MSRA: variants seen among roughly 807,000 people sequenced by gnomAD.
MSRA encodes the protein methionine sulfoxide reductase A.
In MSRA, 54 loss-of-function variants were observed where a neutral mutation model predicts 31.3. The observed-to-expected ratio is 1.73, with a 90% CI of 1.39 to 2.17. The LOEUF is 2.17. Ranked by LOEUF, MSRA falls within the 30% of genes most tolerant of loss-of-function variation. MSRA has a pLI of 0.00. For synonymous variants in MSRA, 169 were observed against 116.5 expected, an observed-to-expected ratio of 1.45 and a Z score of -2.90; for missense variants, 507 against 300.9, an observed-to-expected ratio of 1.69 and a Z score of -5.07.
intron 4 of MSRA, among the ~76,000 whole-genome samples, chr8:10,306,395 C>G (rs552703083): frequency 6.6e-6 from 1 of 152,126 alleles, no homozygotes. Context: ...ACAATTCCAT[C>G]AGATTTTAAT....
chr8:10,056,207 A>AAC (rs1554532520), intron 1 of MSRA, among the ~76,000 whole-genome samples: 2 of 143,492 alleles, frequency 1.4e-5, no homozygotes, highest in African/African-American at 5.2e-5. Flanking sequence ...CCAAAAAAAA[A>AAC]AAAAAAAAAA....
intron 3 of MSRA, among the ~76,000 whole-genome samples, chr8:10,281,417 C>G (rs1458424270): frequency 6.6e-6 from 1 of 152,136 alleles, no homozygotes; most frequent in Non-Finnish European, 1.5e-5. Flanking sequence ...CATAATTTTC[C>G]AGTTCCCACC....
At chr8:10,169,759 C>T (rs1208639176) in intron 1 of MSRA, among the ~76,000 whole-genome samples, 3 of 152,100 alleles carry the variant, frequency 2.0e-5, no homozygotes, top group Non-Finnish European at 4.4e-5. Context: ...AATTCCTAAC[C>T]ATTCATCATT....
rs1332645983 is a variant in MSRA, at chr8:10,054,696, C to G, written c.142+38C>G. 6.1e-6 allele frequency: 9 copies of G among 1,481,880 alleles called. No individual in the cohort carries two copies. In the East Asian group the frequency reaches 1.9e-4, roughly 32 times the overall value. The allele number at this position is 1,481,880 out of a possible 1,614,324, so 91.8% of individuals were successfully genotyped here. ...CACACGGAAGGCGCGGGCGGCGACG[C>G]TGCGCATGCGCGCCTTTGCCCGGCG... On this transcript the variant is annotated intron_variant, in intron 1 of 5. Transcript: ENST00000317173.
At chr8:10,209,533 A>G (rs1011026221) in intron 2 of MSRA, among the ~76,000 whole-genome samples, 2 of 151,180 alleles carry the variant, frequency 1.3e-5, no homozygotes, top group African/African-American at 2.5e-5. Context: ...TTTTCTTTCT[A>G]TTTTTTATTT....
intron 1 of MSRA, among the ~76,000 whole-genome samples, chr8:10,067,278 T>C (rs924688888): frequency 2.3e-4 from 35 of 152,208 alleles, no homozygotes; most frequent in African/African-American, 8.2e-4. Flanking sequence ...ATATAGTATA[T>C]AGCCTTTTCG....
intron 1 of MSRA, among the ~76,000 whole-genome samples, chr8:10,057,543 GGTTTT>G (rs1322877616): frequency 6.6e-6 from 1 of 152,094 alleles, no homozygotes; most frequent in African/African-American, 2.4e-5. Context: ...AATATGGTTT[GGTTTT>G]GTGTCCTCAC....
intron 5 of MSRA, among the ~76,000 whole-genome samples, chr8:10,416,225 C>A (rs543000609): frequency 6.6e-6 from 1 of 152,312 alleles, no homozygotes; most frequent in Non-Finnish European, 1.5e-5. Context: ...TCGTGCCTAG[C>A]CCGGTCCTTG....
intron 1 of MSRA, among the ~76,000 whole-genome samples, chr8:10,098,313 A>G (rs1799309170): frequency 6.6e-6 from 1 of 152,176 alleles, no homozygotes; most frequent in South Asian, 2.1e-4. Flanking sequence ...AAATGCGTTA[A>G]TATTTAACTG....
At chr8:10,370,337 G>A (rs1271895671) in intron 5 of MSRA, among the ~76,000 whole-genome samples, 1 of 152,198 alleles carries the variant, frequency 6.6e-6, no homozygotes, top group Non-Finnish European at 1.5e-5. Context: ...TGCTTCCTGT[G>A]AGAAGAGTGG....
intron 1 of MSRA, among the ~76,000 whole-genome samples, chr8:10,161,945 A>C (rs984231258): frequency 6.6e-6 from 1 of 152,126 alleles, no homozygotes; most frequent in African/African-American, 2.4e-5. Flanking sequence ...GGTGGTCCGG[A>C]GGTCTGAATA....
intron 5 of MSRA, among the ~76,000 whole-genome samples, chr8:10,406,204 C>T (rs1399285069): frequency 1.3e-5 from 2 of 152,224 alleles, no homozygotes; most frequent in Non-Finnish European, 2.9e-5. Flanking sequence ...GCAGTGGTCT[C>T]GCAGAAAGTC....
chr8:10,195,157 A>C (rs1374717520), intron 1 of MSRA, among the ~76,000 whole-genome samples: 2 of 152,238 alleles, frequency 1.3e-5, no homozygotes, highest in Non-Finnish European at 2.9e-5. Flanking sequence ...CAATCTTGTG[A>C]TGACTGTCTT....
intron 5 of MSRA, among the ~76,000 whole-genome samples, chr8:10,338,109 A>C (rs1426316047): frequency 2.0e-5 from 3 of 152,214 alleles, no homozygotes; most frequent in African/African-American, 7.2e-5. Context: ...AGGAGTAGGA[A>C]AGAAAACTGT....
intron 1 of MSRA, among the ~76,000 whole-genome samples, chr8:10,194,416 A>T (rs899533586): frequency 6.6e-6 from 1 of 152,098 alleles, no homozygotes. Context: ...AAGTACAAAA[A>T]CTAGCCAGGT....
chr8:10,313,467 TA>T (rs534318833), intron 4 of MSRA, among the ~76,000 whole-genome samples: 833 of 129,808 alleles, frequency 6.4e-3, no homozygotes, highest in South Asian at 9.9e-3. Context: ...CCAAAAAATC[TA>T]AAAAAAAAAA....
intron 5 of MSRA, among the ~76,000 whole-genome samples, chr8:10,371,339 C>T (rs1206772929): frequency 1.3e-5 from 2 of 152,058 alleles, no homozygotes; most frequent in Non-Finnish European, 2.9e-5. Flanking sequence ...TCATGCTGGA[C>T]ATGGGGAGAG....
chr8:10,329,074 A>G (rs1802542285), intron 5 of MSRA, among the ~76,000 whole-genome samples: 1 of 152,246 alleles, frequency 6.6e-6, no homozygotes, highest in African/African-American at 2.4e-5. Context: ...ATTTGGTAGG[A>G]TTAAGTCAGT....
At chr8:10,128,168 A>G (rs1165144896) in intron 1 of MSRA, among the ~76,000 whole-genome samples, 2 of 152,134 alleles carry the variant, frequency 1.3e-5, no homozygotes, top group Non-Finnish European at 1.5e-5. Context: ...ACCCGAGATC[A>G]GGAGTTCGAG....
Sources: allele counts gnomAD v4.1 joint callset (sites outside exome capture counted in the v4.1 genomes callset), GRCh38; gene constraint gnomAD v4.1.1; transcripts MANE v1.5; gene names NCBI Gene and HGNC (gene_info 2026-07-23, HGNC 2026-07-21).